Variants in RBFOX3 observed in about 807,000 individuals in gnomAD.
RBFOX3 encodes RNA binding fox-1 homolog 3.
Under a neutral mutation model 48.7 loss-of-function variants are expected in RBFOX3, and 17 were observed. That is an observed-to-expected ratio of 0.35 (90% CI 0.24 to 0.52). The LOEUF (loss-of-function observed/expected upper bound fraction) is 0.52, where lower values mean the gene tolerates loss of function less well. Among genes scored for constraint, RBFOX3 ranks in the 20% least tolerant of loss-of-function variants. The probability of loss-of-function intolerance (pLI) is 0.94; values close to 1 mark genes in which losing one functional copy is unlikely to be tolerated. For missense variants in RBFOX3, 382 were observed against 497.5 expected (o/e 0.77, Z 2.21); for synonymous variants, 212 against 209.5 (o/e 1.01, Z -0.10).
chr17:79,292,662 G>A (rs1322647167), intron 3 of RBFOX3, among the ~76,000 whole-genome samples: 3 of 152,116 alleles, frequency 2.0e-5, no homozygotes, highest in Admixed American at 6.5e-5. Context: ...TTGATGCTGC[G>A]AAGGACAGCA....
chr17:79,463,574 G>A (rs1305672310), intron 2 of RBFOX3, among the ~76,000 whole-genome samples: 155 of 108,352 alleles, frequency 1.4e-3, no homozygotes, highest in Non-Finnish European at 2.0e-3. Context: ...CACCACCATC[G>A]CCACTGCCAC....
chr17:79,650,799 G>A, the RBFOX3 span, among the ~76,000 whole-genome samples: 645 of 152,218 alleles, frequency 4.2e-3, 6 homozygotes, highest in African/African-American at 0.015. Context: ...GACTGCCATC[G>A]ACGTCAGCGC....
chr17:79,127,867 CT>C (rs1191487605), intron 4 of RBFOX3, among the ~76,000 whole-genome samples: 1 of 152,216 alleles, frequency 6.6e-6, no homozygotes, highest in Non-Finnish European at 1.5e-5. Context: ...ATTCTGTCCA[CT>C]TTGTCAAGGA....
chr17:79,228,516 A>C (rs1289229809), intron 4 of RBFOX3, among the ~76,000 whole-genome samples: 2 of 152,164 alleles, frequency 1.3e-5, no homozygotes, highest in Non-Finnish European at 2.9e-5. Context: ...CAAATGTTTA[A>C]TGTCCTGCTT....
intron 4 of RBFOX3, among the ~76,000 whole-genome samples, chr17:79,123,310 A>G (rs1004573717): frequency 2.6e-5 from 4 of 152,184 alleles, no homozygotes; most frequent in Non-Finnish European, 5.9e-5. Context: ...GTATCAAAAC[A>G]TCTCATGTAT....
At chr17:79,499,099 C>T (rs2149707504) in intron 1 of RBFOX3, among the ~76,000 whole-genome samples, 1 of 151,566 alleles carries the variant, frequency 6.6e-6, no homozygotes, top group Middle Eastern at 3.4e-3. Context: ...CATCTACTCA[C>T]TCATCTATCC....
the RBFOX3 span, among the ~76,000 whole-genome samples, chr17:79,643,775 G>A: frequency 6.6e-6 from 1 of 152,030 alleles, no homozygotes; most frequent in Non-Finnish European, 1.5e-5. Context: ...CAAAATTTGT[G>A]AACTATAGCT....
At chr17:79,382,566 A>G (rs927905940) in intron 2 of RBFOX3, among the ~76,000 whole-genome samples, 4 of 152,202 alleles carry the variant, frequency 2.6e-5, no homozygotes, top group Non-Finnish European at 4.4e-5. Flanking sequence ...AACTGGTTCC[A>G]CATGTGCTTG....
At chr17:79,184,107 C>A (rs993801297) in intron 4 of RBFOX3, among the ~76,000 whole-genome samples, 1 of 5,676 alleles carries the variant, frequency 1.8e-4, no homozygotes, top group African/African-American at 7.1e-4. Flanking sequence ...GCGGGGATGT[C>A]GGTGATGTAA....
At chr17:79,300,630 C>T (rs752968723) in intron 3 of RBFOX3, among the ~76,000 whole-genome samples, 4 of 152,160 alleles carry the variant, frequency 2.6e-5, no homozygotes, top group African/African-American at 4.8e-5. Flanking sequence ...GCGTGTTCTT[C>T]TGGAACTGAT....
At chr17:79,239,108 G>T (rs537882738) in intron 3 of RBFOX3, among the ~76,000 whole-genome samples, 2 of 152,302 alleles carry the variant, frequency 1.3e-5, no homozygotes, top group Admixed American at 1.3e-4. Context: ...GTGGTGGCCT[G>T]GTTGCCCATC....
At chr17:79,474,799 C>CG (rs1158900531) in intron 2 of RBFOX3, among the ~76,000 whole-genome samples, 4 of 152,168 alleles carry the variant, frequency 2.6e-5, no homozygotes, top group African/African-American at 9.7e-5. Flanking sequence ...CAGAGCCCCA[C>CG]GCATCACTAA....
chr17:79,599,537 AG>A (rs1239942164), intron 1 of RBFOX3: 4 of 152,258 alleles, frequency 2.6e-5, no homozygotes, highest in Non-Finnish European at 5.9e-5. Flanking sequence ...TCCCAAGGGC[AG>A]GCTGCCTTGA....
chr17:79,477,418 T>C lies in RBFOX3; in HGVS notation c.-175+5036A>G, dbSNP rs1261006551. Among the ~76,000 whole-genome samples the C allele has an allele frequency of 1.3e-5, 2 of 151,440 alleles. No individual in the cohort carries two copies. The highest frequency in any genetic ancestry group is 2.9e-5 in the Non-Finnish European group (2 of 67,882). On this transcript the variant is annotated intron_variant, in intron 2 of 14. Transcript: ENST00000693108. The surrounding 1 kb of genome is among the most constrained non-coding windows in gnomAD (Gnocchi z 4.8). ...AAAAATACAAAACATTAGCCAGACG[T>C]GGTGGCGGGCGCCTGTAGTCCCAGC... is the stretch of plus-strand genomic sequence containing the variant.
chr17:79,389,262 A>G (rs2061009307), intron 2 of RBFOX3, among the ~76,000 whole-genome samples: 1 of 152,188 alleles, frequency 6.6e-6, no homozygotes, highest in African/African-American at 2.4e-5. Flanking sequence ...TGGTTATGTG[A>G]CATATGGAGG....
At chr17:79,293,462 T>TCCTTCCCTTC (rs1307383167) in intron 3 of RBFOX3, among the ~76,000 whole-genome samples, 10 of 98,554 alleles carry the variant, frequency 1.0e-4, no homozygotes, top group African/African-American at 4.7e-4. Context: ...CTTCCTTCCT[T>TCCTTCCCTTC]CCTTCCCTTC....
intron 4 of RBFOX3, among the ~76,000 whole-genome samples, chr17:79,193,907 C>T (rs9896650): frequency 0.032 from 4,908 of 151,804 alleles, 113 homozygotes; most frequent in African/African-American, 0.059. Flanking sequence ...GTAGGTGTTC[C>T]GGGCTAGGGG....
chr17:79,191,523 C>T (rs1599891968), intron 4 of RBFOX3, among the ~76,000 whole-genome samples: 1 of 152,228 alleles, frequency 6.6e-6, no homozygotes, highest in Admixed American at 6.5e-5. Flanking sequence ...CACACAAAGG[C>T]CCGGAGAGGC....
chr17:79,122,761 T>C (rs11657840), intron 4 of RBFOX3, among the ~76,000 whole-genome samples: 107,859 of 152,066 alleles, frequency 0.71, 38,534 homozygotes, highest in East Asian at 0.84. Flanking sequence ...TTGCTGTTTA[T>C]TGCAGCACTG....
Sources: allele counts gnomAD v4.1 joint callset (sites outside exome capture counted in the v4.1 genomes callset), GRCh38; gene constraint gnomAD v4.1.1; non-coding constraint Gnocchi (gnomAD v3.1); transcripts MANE v1.5; gene names NCBI Gene and HGNC (gene_info 2026-07-23, HGNC 2026-07-21).